Variants in PHLPP1 observed in about 807,000 individuals in gnomAD.
PHLPP1 encodes the protein PH domain and leucine rich repeat protein phosphatase 1, also known as PH domain leucine-rich repeat-containing protein phosphatase 1.
A neutral mutation model predicts 117.2 loss-of-function variants in PHLPP1; 42 were observed. The ratio of observed to expected loss-of-function variants is 0.36; its 90% CI spans 0.28 to 0.46. The LOEUF is 0.46. Among genes scored for constraint, PHLPP1 ranks in the 20% least tolerant of loss-of-function variants. The pLI is 1.00. For missense variants in PHLPP1, 2,084 were observed against 2,241.9 expected (o/e 0.93, Z 1.42); for synonymous variants, 1,042 against 970.7 (o/e 1.07, Z -1.37).
chr18:62,957,538 T>A (rs1910647192), intron 12 of PHLPP1, among the ~76,000 whole-genome samples: 2 of 152,142 alleles, frequency 1.3e-5, no homozygotes, highest in Admixed American at 6.5e-5. Flanking sequence ...TTGAAATATC[T>A]TCTCATTTTG....
In PHLPP1 at chr18:62,733,937, G is replaced by C. The variant is rs114426776; in HGVS notation, c.1576+16678G>C. Among the ~76,000 whole-genome samples, 1,178 of 152,246 alleles carry C rather than the reference G, an allele frequency of 7.7e-3. 17 individuals are homozygous for C. The highest frequency in any genetic ancestry group is 0.027 in the African/African-American group (1,129 of 41,524). ...TTACCAAATACTTCCAGGCATCTGG[G>C]CCTTTTTATCACTTGAATCGTTTTG... is the stretch of plus-strand genomic sequence containing the variant. On this transcript the variant is annotated intron_variant, in intron 1 of 16. Coordinates refer to ENST00000262719, the MANE Select transcript of PHLPP1 (RefSeq NM_194449.4).
intron 12 of PHLPP1, among the ~76,000 whole-genome samples, chr18:62,955,534 G>A (rs1439478911): frequency 6.6e-6 from 1 of 152,188 alleles, no homozygotes; most frequent in Non-Finnish European, 1.5e-5. Flanking sequence ...ACCTGCTGCA[G>A]TGAATCAGAG....
At chr18:62,765,333 T>C (rs1332788018) in intron 1 of PHLPP1, among the ~76,000 whole-genome samples, 1 of 152,206 alleles carries the variant, frequency 6.6e-6, no homozygotes, top group Non-Finnish European at 1.5e-5. Flanking sequence ...TCAGCCCTAA[T>C]GTCACTCCCC....
At position 62,963,415 on chromosome 18, in the gene PHLPP1, C is replaced by G. The variant is rs767651066; in HGVS notation, c.3503C>G (p.Ser1168Cys). The change falls in exon 14 of 17, where the codon TCC (serine) becomes TGC (cysteine). Residue 1168 changes from serine (S) to cysteine (C), a missense_variant. Physicochemically the swap from Ser to Cys is moderately radical, Grantham distance 112. Transcript: ENST00000262719. The stretch of plus-strand genomic sequence containing the variant: ...GATCAGCCTTCTACAGGAGACGCTT[C>G]CGGAGCCCCAGCTGTATGGAGTCAT... Reference protein sequence around the residue: ...KIDQPSTGDASGAPAVWSHGY... With the variant: ...KIDQPSTGDACGAPAVWSHGY... 1.7e-5 allele frequency: 28 copies of G among 1,613,434 alleles called. No homozygotes were observed. Among genetic ancestry groups the G allele is most frequent in the Non-Finnish European group, 2.3e-5 (27 of 1,179,698 alleles).
chr18:62,906,570 T>G (rs2144410842), intron 8 of PHLPP1, among the ~76,000 whole-genome samples: 1 of 106,080 alleles, frequency 9.4e-6, no homozygotes, highest in African/African-American at 3.7e-5. Context: ...ATCGGGTCAC[T>G]CCCACCCGAA....
In PHLPP1 at chr18:62,972,643, T is replaced by C. The variant is rs552729760; in HGVS notation, c.3690T>C (p.Ala1230=). 9 of 1,613,936 alleles carry C rather than the reference T, an allele frequency of 5.6e-6. No individual in the cohort carries two copies. The East Asian group carries it at 2.0e-4, about 36-fold the overall frequency. ...AGTGCACTATGAGTGACATTTTGGC[T>C]GAAGAGCTGCAAAAAACAAAAAACG... ...LLQCTMSDIL[A]EELQKTKNEE... Residue 1230 remains alanine, a synonymous_variant, in exon 15 of 17, where the codon GCT becomes GCC. Transcript: ENST00000262719.
chr18:62,732,745 A>C (rs1290587334), intron 1 of PHLPP1, among the ~76,000 whole-genome samples: 1 of 152,256 alleles, frequency 6.6e-6, no homozygotes, highest in African/African-American at 2.4e-5. Flanking sequence ...CATTAAGAAC[A>C]TTTGTGATTC....
At chr18:62,791,050 G>T (rs1194580414) in intron 1 of PHLPP1, among the ~76,000 whole-genome samples, 1 of 152,154 alleles carries the variant, frequency 6.6e-6, no homozygotes, top group Non-Finnish European at 1.5e-5. Context: ...CCTGGCCGGA[G>T]CTTGGACTTA....
At chr18:62,859,974 G>T (rs1409327858) in intron 3 of PHLPP1, among the ~76,000 whole-genome samples, 1 of 152,158 alleles carries the variant, frequency 6.6e-6, no homozygotes, top group Non-Finnish European at 1.5e-5. Flanking sequence ...GAAATGTGTT[G>T]TTAGGCAGTT....
intron 14 of PHLPP1, among the ~76,000 whole-genome samples, chr18:62,963,713 C>A (rs1568176191): frequency 6.6e-6 from 1 of 152,208 alleles, no homozygotes; most frequent in Non-Finnish European, 1.5e-5. Flanking sequence ...AGGTAACTGA[C>A]ACATTATATC....
chr18:62,804,854 C>CTG (rs1263487997), intron 1 of PHLPP1, among the ~76,000 whole-genome samples: 15 of 147,562 alleles, frequency 1.0e-4, no homozygotes, highest in South Asian at 8.5e-4. Context: ...ATAATATACA[C>CTG]TATATATTAT....
intron 1 of PHLPP1, among the ~76,000 whole-genome samples, chr18:62,774,385 GT>G (rs1912888039): frequency 6.6e-6 from 1 of 152,176 alleles, no homozygotes; most frequent in Non-Finnish European, 1.5e-5. Context: ...TGCCAATTGG[GT>G]TTTTGACCTT....
chr18:62,716,793 C>T lies in PHLPP1; in HGVS notation c.1110C>T (p.Gly370=). 1 of 1,526,146 alleles carries T rather than the reference C, an allele frequency of 6.6e-7. No individual in the cohort carries two copies. Among genetic ancestry groups the T allele is most frequent in the Non-Finnish European group, 8.8e-7 (1 of 1,142,198 alleles). The allele number at this position is 1,526,146 out of a possible 1,614,324, so 94.5% of individuals were successfully genotyped here. ...SDRLDPYSSG[G]GSSSSSEELE... ...GGTTGGACCCCTACAGCAGCGGCGG[C>T]GGCTCCTCGTCGTCGTCGGAAGAGC... The change falls in exon 1 of 17, where the codon GGC becomes GGT. Residue 370 remains glycine, a synonymous_variant. Transcript: ENST00000262719. The surrounding 1 kb of genome is among the most constrained non-coding windows in gnomAD (Gnocchi z 5.7).
intron 10 of PHLPP1, among the ~76,000 whole-genome samples, chr18:62,934,284 C>T (rs1215043111): frequency 6.6e-6 from 1 of 152,112 alleles, no homozygotes; most frequent in African/African-American, 2.4e-5. Context: ...ATGTTTATTG[C>T]AACACTATTC....
chr18:62,957,631 G>T (rs1910651105), intron 12 of PHLPP1, among the ~76,000 whole-genome samples: 1 of 149,326 alleles, frequency 6.7e-6, no homozygotes, highest in South Asian at 2.1e-4. Context: ...GTTTTGTTTT[G>T]TTTTTTTTGA....
intron 1 of PHLPP1, among the ~76,000 whole-genome samples, chr18:62,764,327 T>C (rs542649191): frequency 6.6e-6 from 1 of 152,342 alleles, no homozygotes; most frequent in Non-Finnish European, 1.5e-5. Context: ...CCCATCCACT[T>C]TGGGTTCTGC....
chr18:62,726,498 T>C (rs892407474), intron 1 of PHLPP1, among the ~76,000 whole-genome samples: 3 of 152,006 alleles, frequency 2.0e-5, no homozygotes, highest in Middle Eastern at 3.4e-3. Context: ...ATATCTCTTC[T>C]ACTCCAGGAT....
At chr18:62,861,180 G>A (rs1418229490) in intron 4 of PHLPP1, among the ~76,000 whole-genome samples, 1 of 152,068 alleles carries the variant, frequency 6.6e-6, no homozygotes, top group African/African-American at 2.4e-5. Flanking sequence ...CATGATCTCG[G>A]CTCACTGCAA....
At chr18:62,938,909 T>C (rs932073220) in intron 10 of PHLPP1, among the ~76,000 whole-genome samples, 7 of 152,226 alleles carry the variant, frequency 4.6e-5, no homozygotes, top group African/African-American at 1.7e-4. Context: ...GAATTCACTT[T>C]GTTTTATCGC....
Sources: allele counts gnomAD v4.1 joint callset (sites outside exome capture counted in the v4.1 genomes callset), GRCh38; gene constraint gnomAD v4.1.1; non-coding constraint Gnocchi (gnomAD v3.1); transcripts MANE v1.5; gene names NCBI Gene and HGNC (gene_info 2026-07-23, HGNC 2026-07-21).